DPP6: variants seen among roughly 807,000 people sequenced by gnomAD.
DPP6 encodes the protein A-type potassium channel modulatory protein DPP6.
DPP6 carries 69 observed loss-of-function variants against 122.6 expected under a neutral mutation model. The observed-to-expected ratio is 0.56, with a 90% CI of 0.46 to 0.69. The LOEUF is 0.69. DPP6 is among the 30% of genes least tolerant of loss of function. The probability of loss-of-function intolerance (pLI) is 0.00; values close to 1 mark genes in which losing one functional copy is unlikely to be tolerated. For synonymous variants in DPP6, 418 were observed against 433.1 expected (o/e 0.97, Z 0.43); for missense variants, 928 against 1,116.9 (o/e 0.83, Z 2.41).
At chr7:154,764,036 G>A (rs934077225) in intron 8 of DPP6, among the ~76,000 whole-genome samples, 4 of 152,122 alleles carry the variant, frequency 2.6e-5, no homozygotes, top group Non-Finnish European at 5.9e-5. Context: ...CTCTGTGGGC[G>A]CTCTTCACCT....
chr7:154,326,436 C>A (rs1452686384), intron 1 of DPP6, among the ~76,000 whole-genome samples: 2 of 152,086 alleles, frequency 1.3e-5, no homozygotes, highest in Admixed American at 6.5e-5. Flanking sequence ...AACAAGGATG[C>A]AGATATAATG....
At chr7:154,435,495 G>C (rs1456333580) in intron 1 of DPP6, among the ~76,000 whole-genome samples, 1 of 152,188 alleles carries the variant, frequency 6.6e-6, no homozygotes, top group Non-Finnish European at 1.5e-5. Flanking sequence ...ATTATGATCT[G>C]TGTTGGCTTT....
the DPP6 span, among the ~76,000 whole-genome samples, chr7:153,817,794 AT>A: frequency 1.3e-5 from 2 of 150,496 alleles, no homozygotes; most frequent in Non-Finnish European, 3.0e-5. Flanking sequence ...GAGGGATAGC[AT>A]TAGGAGATAT....
At chr7:154,206,505 C>T (rs4380850) in intron 1 of DPP6, among the ~76,000 whole-genome samples, 90,031 of 152,104 alleles carry the variant, frequency 0.59, 29,760 homozygotes, top group Non-Finnish European at 0.73. Context: ...AACCTTTTCA[C>T]GTACCTGAGA....
intron 1 of DPP6, among the ~76,000 whole-genome samples, chr7:154,091,052 T>C (rs1417780678): frequency 1.3e-5 from 2 of 149,044 alleles, no homozygotes; most frequent in East Asian, 2.0e-4. Flanking sequence ...ACCCAGGAGG[T>C]GGAGCTTGCA....
chr7:154,089,203 G>A lies in DPP6; in HGVS notation c.243+36140G>A, dbSNP rs191760464. ...TGTAAAGAGAAGGTTTTAGCTCAATGCAAGTCCAACATTTCCATCAGAAGT... is the reference window on the plus strand; with the variant it reads ...TGTAAAGAGAAGGTTTTAGCTCAATACAAGTCCAACATTTCCATCAGAAGT... On this transcript the variant is annotated intron_variant, in intron 1 of 25. Transcript: ENST00000377770. 1.7e-3 allele frequency among the ~76,000 whole-genome samples: 257 copies of A among 152,100 alleles called. 1 individual carries two copies. Among genetic ancestry groups the A allele is most frequent in the African/African-American group, 5.9e-3 (246 of 41,506 alleles).
intron 1 of DPP6, chr7:154,305,464 GC>G: frequency 6.4e-7 from 1 of 1,572,786 alleles, no homozygotes; most frequent in Non-Finnish European, 8.6e-7. Flanking sequence ...GACCCCACCT[GC>G]CCCGGTGGTG....
intron 1 of DPP6, among the ~76,000 whole-genome samples, chr7:153,958,207 A>G (rs951316747): frequency 1.3e-5 from 2 of 152,074 alleles, no homozygotes; most frequent in African/African-American, 4.8e-5. Context: ...AAAATAGACA[A>G]TGGCTTGAAC....
chr7:154,672,092 G>A (rs1401505550), intron 7 of DPP6, among the ~76,000 whole-genome samples: 3 of 151,990 alleles, frequency 2.0e-5, no homozygotes, highest in Non-Finnish European at 2.9e-5. Context: ...TGAATCATGG[G>A]GGCAGTTTCC....
chr7:154,476,570 G>C (rs529751096), intron 3 of DPP6, among the ~76,000 whole-genome samples: 20 of 152,308 alleles, frequency 1.3e-4, no homozygotes, highest in African/African-American at 4.8e-4. Flanking sequence ...ACTCAGAGAG[G>C]AGGATCGGAA....
chr7:154,154,155 G>A (rs1796568137), intron 1 of DPP6, among the ~76,000 whole-genome samples: 1 of 152,042 alleles, frequency 6.6e-6, no homozygotes, highest in South Asian at 2.1e-4. Context: ...CAAGAGAAGT[G>A]TGGTAACTAT....
At chr7:153,958,019 C>G (rs919774724) in intron 1 of DPP6, among the ~76,000 whole-genome samples, 1 of 152,042 alleles carries the variant, frequency 6.6e-6, no homozygotes, top group Non-Finnish European at 1.5e-5. Context: ...CAAAACTTAG[C>G]TGGGTGTGGT....
In DPP6 at chr7:154,282,060, T is replaced by A. The variant is rs1804550989; in HGVS notation, c.244-164154T>A. Among the ~76,000 whole-genome samples the A allele has an allele frequency of 6.6e-6, 1 of 152,174 alleles. No homozygotes were observed. Among genetic ancestry groups the A allele is most frequent in the Non-Finnish European group, 1.5e-5 (1 of 68,032 alleles). ...TTTCCTCCCCTGTCCAATGGGGAGA[T>A]TGACCTCACCTGAGAGAGTGTCCTG... On this transcript the variant is annotated intron_variant, in intron 1 of 25. Coordinates refer to ENST00000377770, the MANE Select transcript of DPP6 (RefSeq NM_130797.4). This position sits in a 1 kb window ranked among gnomAD's most constrained non-coding sequence, Gnocchi z 4.8.
rs367563268 is a variant in DPP6 at position 154,155,133 on chromosome 7, A to G, written c.243+102070A>G. 1.7e-3 allele frequency among the ~76,000 whole-genome samples: 261 copies of G among 152,318 alleles called. 10 individuals are homozygous for G. The South Asian group carries it at 0.051, about 30-fold the overall frequency. On this transcript the variant is annotated intron_variant, in intron 1 of 25. Transcript: ENST00000377770. ...CATTAGAAGGTTCCTCTTGAGAGAC[A>G]CCATGGAGCAGGGAAGGTCTTGGGT...
chr7:154,845,043 A>T (rs1472519382), intron 16 of DPP6, among the ~76,000 whole-genome samples: 1 of 152,246 alleles, frequency 6.6e-6, no homozygotes, highest in East Asian at 1.9e-4. Context: ...CAGGACTCCA[A>T]GAATGGTCTT....
intron 5 of DPP6, among the ~76,000 whole-genome samples, chr7:154,581,036 T>C (rs1832031762): frequency 6.6e-6 from 1 of 152,124 alleles, no homozygotes; most frequent in Admixed American, 6.5e-5. Flanking sequence ...CAGACTGTTT[T>C]TTCTGCTTGC....
chr7:154,857,247 T>C (rs1317582859), intron 17 of DPP6, among the ~76,000 whole-genome samples: 2 of 152,214 alleles, frequency 1.3e-5, no homozygotes, highest in Non-Finnish European at 2.9e-5. Flanking sequence ...GGGTCCCATC[T>C]TGCTCAGTGT....
At chr7:153,936,711 T>C (rs12533500) in intron 1 of DPP6, among the ~76,000 whole-genome samples, 46,393 of 151,554 alleles carry the variant, frequency 0.31, 7,900 homozygotes, top group East Asian at 0.6. Context: ...CTCGGGAGGC[T>C]GAGGCAGGAA....
intron 1 of DPP6, among the ~76,000 whole-genome samples, chr7:154,112,754 G>A (rs1167934108): frequency 6.7e-6 from 1 of 149,828 alleles, no homozygotes; most frequent in East Asian, 2.0e-4. Context: ...TTTGTGATAA[G>A]AACACTTAAC....
Sources: allele counts gnomAD v4.1 joint callset (sites outside exome capture counted in the v4.1 genomes callset), GRCh38; gene constraint gnomAD v4.1.1; non-coding constraint Gnocchi (gnomAD v3.1); transcripts MANE v1.5; gene names NCBI Gene and HGNC (gene_info 2026-07-23, HGNC 2026-07-21).